ROBO1: variants seen among roughly 807,000 people sequenced by gnomAD.
ROBO1 encodes the protein roundabout homolog 1.
ROBO1 carries 149 observed loss-of-function variants against 195.9 expected under a neutral mutation model. The ratio of observed to expected loss-of-function variants is 0.76; its 90% CI spans 0.67 to 0.87. ROBO1 has a LOEUF of 0.87. Ranked by LOEUF, ROBO1 falls within the 40% of genes least tolerant of loss-of-function variation. The pLI is 0.00. For synonymous variants in ROBO1, 816 were observed against 733.2 expected (o/e 1.11, Z -1.82); for missense variants, 1,933 against 2,068.3 (o/e 0.93, Z 1.27).
At chr3:79,326,676 A>T (rs2034226922) in intron 2 of ROBO1, among the ~76,000 whole-genome samples, 1 of 152,226 alleles carries the variant, frequency 6.6e-6, no homozygotes, top group Admixed American at 6.5e-5. Flanking sequence ...CCATTAATAC[A>T]TTGTGGCCTC....
chr3:79,512,845 G>T (rs980886194), intron 2 of ROBO1: 1 of 152,096 alleles, frequency 6.6e-6, no homozygotes, highest in African/African-American at 2.4e-5. Context: ...TGAAAAATAT[G>T]AATTGCTTTT....
intron 2 of ROBO1, among the ~76,000 whole-genome samples, chr3:79,379,374 G>A (rs1174171324): frequency 6.6e-6 from 1 of 152,134 alleles, no homozygotes; most frequent in East Asian, 1.9e-4. Flanking sequence ...CTTAACATCA[G>A]CACAGGATTA....
rs999506715 is a variant in ROBO1, at chr3:78,636,082, G to T, written c.3064C>A (p.Gln1022Lys). The change falls in exon 23 of 31, where the codon CAA becomes AAA. Residue 1022 changes from glutamine (Q) to lysine (K), a missense_variant. Gln to Lys is a moderately conservative substitution (Grantham distance 53). This residue lies in a region of ROBO1 where 1,737 missense variants were observed against 1,882.5 expected (regional missense o/e 0.92). Coordinates refer to ENST00000464233, the MANE Select transcript of ROBO1 (RefSeq NM_002941.4). ...AGATTTGTTTGTTTGTTATCCAGTT[G>T]GTTGTTATAATTTGCTATACAATCA... is the stretch of plus-strand genomic sequence containing the variant. ...PADCIANYNNQLDNKQTNLML... is the reference protein window; with the variant it reads ...PADCIANYNNKLDNKQTNLML... 3 of 1,612,020 alleles carry T rather than the reference G, an allele frequency of 1.9e-6. No individual in the cohort carries two copies. In the African/African-American group the frequency reaches 4.0e-5, roughly 22 times the overall value.
chr3:79,239,381 C>T (rs887197717), intron 2 of ROBO1, among the ~76,000 whole-genome samples: 7 of 152,170 alleles, frequency 4.6e-5, no homozygotes, highest in African/African-American at 1.7e-4. Flanking sequence ...AATCACTATT[C>T]CCTGAACCCT....
chr3:79,021,114 G>A (rs555875944), intron 3 of ROBO1, among the ~76,000 whole-genome samples: 1 of 152,190 alleles, frequency 6.6e-6, no homozygotes, highest in Non-Finnish European at 1.5e-5. Context: ...TGAGAAAACT[G>A]ACTATAAATT....
intron 1 of ROBO1, among the ~76,000 whole-genome samples, chr3:79,602,303 G>A (rs1230427213): frequency 1.3e-5 from 2 of 151,984 alleles, no homozygotes; most frequent in Admixed American, 6.6e-5. Flanking sequence ...GCACAAAGAT[G>A]TAACAAAAAG....
intron 1 of ROBO1, among the ~76,000 whole-genome samples, chr3:79,759,329 G>T (rs1378849119): frequency 6.6e-6 from 1 of 152,074 alleles, no homozygotes; most frequent in African/African-American, 2.4e-5. Context: ...TTATTCAAGG[G>T]TTACACATTG....
At chr3:78,838,679 A>C (rs552203679) in intron 4 of ROBO1, among the ~76,000 whole-genome samples, 9 of 152,076 alleles carry the variant, frequency 5.9e-5, no homozygotes, top group African/African-American at 1.9e-4. Context: ...AAAGTTCATC[A>C]ATTTACTCAT....
intron 1 of ROBO1, among the ~76,000 whole-genome samples, chr3:79,753,174 T>A (rs2107485025): frequency 6.6e-6 from 1 of 152,288 alleles, no homozygotes; most frequent in Non-Finnish European, 1.5e-5. Flanking sequence ...CCTGTGGTTC[T>A]CAACTTTGCT....
intron 1 of ROBO1, among the ~76,000 whole-genome samples, chr3:79,663,816 T>G (rs559912390): frequency 6.6e-6 from 1 of 152,038 alleles, no homozygotes; most frequent in Non-Finnish European, 1.5e-5. Context: ...CTCTTCCCAC[T>G]TCTTTCTTTG....
At chr3:79,340,230 C>T (rs2034854024) in intron 2 of ROBO1, among the ~76,000 whole-genome samples, 1 of 152,188 alleles carries the variant, frequency 6.6e-6, no homozygotes, top group African/African-American at 2.4e-5. Flanking sequence ...CTGCCTCAAT[C>T]CAAAAGTCAT....
chr3:78,886,416 G>A (rs1576346870), intron 4 of ROBO1, among the ~76,000 whole-genome samples: 1 of 152,082 alleles, frequency 6.6e-6, no homozygotes, highest in Non-Finnish European at 1.5e-5. Flanking sequence ...CCAACGTGGT[G>A]AAACCCATCT....
chr3:79,445,086 A>G (rs1351409248), intron 2 of ROBO1, among the ~76,000 whole-genome samples: 1 of 151,996 alleles, frequency 6.6e-6, no homozygotes, highest in Non-Finnish European at 1.5e-5. Flanking sequence ...ATTAGTGTCT[A>G]TTTTATGACA....
intron 27 of ROBO1, 118 bp from the exon 28 acceptor site, chr3:78,614,918 CA>C (rs1318755415): frequency 3.7e-6 from 4 of 1,080,858 alleles, no homozygotes; most frequent in African/African-American, 1.6e-5. Flanking sequence ...TGAAAAGCAA[CA>C]AAAAAAGCTT....
At chr3:79,361,569 G>A (rs989490845) in intron 2 of ROBO1, among the ~76,000 whole-genome samples, 8 of 152,012 alleles carry the variant, frequency 5.3e-5, no homozygotes, top group Non-Finnish European at 1.2e-4. Context: ...TTTTGTAGAA[G>A]ACATTAATAA....
chr3:79,583,345 T>G (rs1040903137), intron 2 of ROBO1, among the ~76,000 whole-genome samples: 1 of 151,990 alleles, frequency 6.6e-6, no homozygotes, highest in African/African-American at 2.4e-5. Flanking sequence ...TTCGAATACT[T>G]AAATTTGAGG....
At chr3:79,686,473 C>A (rs533438512) in intron 1 of ROBO1, among the ~76,000 whole-genome samples, 1 of 152,284 alleles carries the variant, frequency 6.6e-6, no homozygotes, top group Admixed American at 6.5e-5. Context: ...TAGAAAACCT[C>A]ATCGTCTCAG....
chr3:78,848,149 G>A (rs1163817830), intron 4 of ROBO1, among the ~76,000 whole-genome samples: 1 of 152,034 alleles, frequency 6.6e-6, no homozygotes, highest in Non-Finnish European at 1.5e-5. Flanking sequence ...AAGGAAATAT[G>A]TTAGTTCAAA....
At chr3:79,571,961 T>A (rs904970014) in intron 2 of ROBO1, among the ~76,000 whole-genome samples, 1 of 151,892 alleles carries the variant, frequency 6.6e-6, no homozygotes, top group African/African-American at 2.4e-5. Flanking sequence ...AAAAAAAAAA[T>A]TAAGTGGAAT....
Sources: allele counts gnomAD v4.1 joint callset (sites outside exome capture counted in the v4.1 genomes callset), GRCh38; gene constraint gnomAD v4.1.1; regional missense constraint gnomAD v4.1.1; transcripts MANE v1.5; gene names NCBI Gene and HGNC (gene_info 2026-07-23, HGNC 2026-07-21).